Variants in TDRD12 observed in about 807,000 individuals in gnomAD.
TDRD12 encodes putative ATP-dependent RNA helicase TDRD12.
TDRD12 carries 158 observed loss-of-function variants against 133.5 expected under a neutral mutation model. The ratio of observed to expected loss-of-function variants is 1.18; its 90% CI spans 1.04 to 1.35. The LOEUF is 1.35. Ranked by LOEUF, TDRD12 falls within the 40% of genes most tolerant of loss-of-function variation. The pLI is 0.00. For synonymous variants in TDRD12, 460 were observed against 477.9 expected (o/e 0.96, Z 0.49); for missense variants, 1,443 against 1,321.3 (o/e 1.09, Z -1.43).
chr19:32,786,999 A>G (rs1192354362), intron 11 of TDRD12, among the ~76,000 whole-genome samples: 1 of 152,164 alleles, frequency 6.6e-6, no homozygotes, highest in African/African-American at 2.4e-5. Flanking sequence ...TTGGAGGAGA[A>G]GAGACGTTCT....
At chr19:32,821,006 GT>G (rs1219807147) in intron 27 of TDRD12, 26 bp from the exon 28 acceptor site, 3 of 1,524,760 alleles carry the variant, frequency 2.0e-6, no homozygotes, top group Non-Finnish European at 2.6e-6. Flanking sequence ...AGAGAGCCAG[GT>G]GTTAACCCCT....
intron 6 of TDRD12, among the ~76,000 whole-genome samples, chr19:32,755,481 C>T (rs1342377941): frequency 2.6e-5 from 4 of 152,184 alleles, no homozygotes; most frequent in Admixed American, 6.5e-5. Flanking sequence ...AATCTTCAGA[C>T]TTTGATGAAG....
intron 6 of TDRD12, among the ~76,000 whole-genome samples, chr19:32,752,424 C>G (rs1349377697): frequency 1.3e-5 from 2 of 152,074 alleles, no homozygotes; most frequent in African/African-American, 4.8e-5. Flanking sequence ...AGGTGATCCA[C>G]CCGTCTTGGC....
rs376484935 is a variant in TDRD12, at chr19:32,814,587, T to C, written c.3141+811T>C. Among the ~76,000 whole-genome samples, 27 of 152,272 alleles carry C rather than the reference T, an allele frequency of 1.8e-4. No individual in the cohort carries two copies. The East Asian group carries it at 1.9e-3, about 11-fold the overall frequency. The stretch of plus-strand genomic sequence containing the variant: ...ATCTTAGTTGATGTTGTGATAGTAT[T>C]GTGTTTGTTTCTTGTTGGGGGGAGA... On this transcript the variant is annotated intron_variant, in intron 25 of 27. Transcript: ENST00000444215.
At chr19:32,721,495 C>T (rs994793653) in intron 1 of TDRD12, among the ~76,000 whole-genome samples, 4 of 151,866 alleles carry the variant, frequency 2.6e-5, no homozygotes, top group African/African-American at 9.7e-5. Flanking sequence ...AAGTGATTCT[C>T]CTGCCTCAGC....
chr19:32,748,521 C>A (rs1338232882), exon 5 of TDRD12: 7 of 1,551,226 alleles, frequency 4.5e-6, no homozygotes, highest in African/African-American at 1.4e-5. Context: ...ACTTTCAGAA[C>A]CTTCTGAAAG....
chr19:32,769,699 C>T (rs1156566681), intron 8 of TDRD12, among the ~76,000 whole-genome samples: 3 of 151,972 alleles, frequency 2.0e-5, no homozygotes, highest in South Asian at 2.1e-4. Context: ...TGCAATGGCA[C>T]GATCTCAGCT....
intron 13 of TDRD12, among the ~76,000 whole-genome samples, chr19:32,791,727 T>A (rs1971078372): frequency 6.6e-6 from 1 of 152,004 alleles, no homozygotes; most frequent in Non-Finnish European, 1.5e-5. Context: ...GGAGGCTCTT[T>A]TTGGAGAAAT....
chr19:32,786,923 C>T (rs996085293), intron 11 of TDRD12, among the ~76,000 whole-genome samples: 2 of 152,210 alleles, frequency 1.3e-5, no homozygotes, highest in African/African-American at 4.8e-5. Context: ...AAGCTTACTT[C>T]TGTCAACTCA....
chr19:32,819,395 A>G (rs1478412020), intron 27 of TDRD12, among the ~76,000 whole-genome samples: 1 of 152,108 alleles, frequency 6.6e-6, no homozygotes, highest in Non-Finnish European at 1.5e-5. Flanking sequence ...ATGGATACCT[A>G]TAGGATTAGA....
At chr19:32,778,098 A>G (rs1970660225) in intron 11 of TDRD12, among the ~76,000 whole-genome samples, 1 of 151,732 alleles carries the variant, frequency 6.6e-6, no homozygotes, top group Non-Finnish European at 1.5e-5. Context: ...CCAGAGTGAC[A>G]AAGTGTGAGA....
intron 8 of TDRD12, among the ~76,000 whole-genome samples, chr19:32,763,655 CTG>C (rs760137220): frequency 1.8e-4 from 28 of 152,218 alleles, no homozygotes; most frequent in Admixed American, 3.9e-4. Flanking sequence ...GTGGTATTCA[CTG>C]TGAGAACCTG....
chr19:32,807,969 A>G (rs941386176), intron 22 of TDRD12, among the ~76,000 whole-genome samples: 25 of 152,160 alleles, frequency 1.6e-4, no homozygotes, highest in Admixed American at 5.2e-4. Context: ...CACACCTGTA[A>G]TCTCATCATT....
chr19:32,775,560 T>C (rs968724340), intron 10 of TDRD12, among the ~76,000 whole-genome samples: 23 of 152,314 alleles, frequency 1.5e-4, no homozygotes, highest in African/African-American at 4.3e-4. Flanking sequence ...CTCCAACTCC[T>C]GAGACCAAGT....
intron 11 of TDRD12, among the ~76,000 whole-genome samples, chr19:32,778,172 G>T (rs1223574959): frequency 4.6e-5 from 7 of 152,010 alleles, no homozygotes; most frequent in Non-Finnish European, 1.0e-4. Flanking sequence ...GAGCCAGGGT[G>T]TGGACTCTGC....
intron 1 of TDRD12, among the ~76,000 whole-genome samples, chr19:32,729,469 G>A (rs1301931362): frequency 2.0e-5 from 3 of 151,398 alleles, no homozygotes; most frequent in African/African-American, 4.8e-5. Context: ...CGCCCGTCTC[G>A]GCCTCCCAAA....
intron 2 of TDRD12, among the ~76,000 whole-genome samples, chr19:32,737,171 C>T (rs979328318): frequency 5.9e-5 from 9 of 152,138 alleles, no homozygotes; most frequent in African/African-American, 2.2e-4. Flanking sequence ...CATCATAAGT[C>T]AGGGACTGTG....
chr19:32,767,230 G>A (rs1970325488), intron 8 of TDRD12, among the ~76,000 whole-genome samples: 1 of 151,716 alleles, frequency 6.6e-6, no homozygotes, highest in African/African-American at 2.4e-5. Context: ...CTGGGTTCAA[G>A]CGATTCTCCT....
intron 21 of TDRD12, among the ~76,000 whole-genome samples, chr19:32,804,557 G>A (rs1005541962): frequency 4.6e-5 from 7 of 151,644 alleles, no homozygotes. Context: ...GCTGGGCGTG[G>A]TGGTGCGTGC....
Sources: allele counts gnomAD v4.1 joint callset (sites outside exome capture counted in the v4.1 genomes callset), GRCh38; gene constraint gnomAD v4.1.1; transcripts MANE v1.5; gene names NCBI Gene and HGNC (gene_info 2026-07-23, HGNC 2026-07-21).